Variants in ADGRB1 observed in about 807,000 individuals in gnomAD.
ADGRB1 encodes the protein adhesion G protein-coupled receptor B1.
A neutral mutation model predicts 175.7 loss-of-function variants in ADGRB1; 36 were observed. The ratio of observed to expected loss-of-function variants is 0.20; its 90% CI spans 0.16 to 0.27. The LOEUF is 0.27. Ranked by LOEUF, ADGRB1 falls within the 10% of genes least tolerant of loss-of-function variation. ADGRB1 has a pLI of 1.00. For missense variants in ADGRB1, 1,731 were observed against 2,255.3 expected, an observed-to-expected ratio of 0.77 and a Z score of 4.71; for synonymous variants, 1,054 against 979.4, an observed-to-expected ratio of 1.08 and a Z score of -1.42.
chr8:142,520,129 ATGG>A (rs1231598250), intron 19 of ADGRB1, among the ~76,000 whole-genome samples: 14 of 101,156 alleles, frequency 1.4e-4, no homozygotes, highest in Non-Finnish European at 2.0e-4. Flanking sequence ...TATGATGATG[ATGG>A]TGGTGATGGT....
chr8:142,524,380 C>T lies in ADGRB1; in HGVS notation c.3312+76C>T, dbSNP rs554146596. The T allele has an allele frequency of 3.5e-6, 5 of 1,425,790 alleles. No individual in the cohort carries two copies. The East Asian group carries it at 1.2e-4, about 35-fold the overall frequency. 88.3% of individuals were successfully genotyped at this position (1,425,790 alleles called of 1,614,324 possible). On this transcript the variant is annotated intron_variant, in intron 23 of 30. Coordinates refer to ENST00000517894, the MANE Select transcript of ADGRB1 (RefSeq NM_001702.3). ...CCTGCCTCCTGGGCCTCGGTGCTGTCTCATGCCCCAGGCTGTGCACCTGCT... is the reference window on the plus strand; with the variant it reads ...CCTGCCTCCTGGGCCTCGGTGCTGTTTCATGCCCCAGGCTGTGCACCTGCT...
At chr8:142,539,865 G>A (rs1262858395) in intron 27 of ADGRB1, 1 of 174,090 alleles carries the variant, frequency 5.7e-6, no homozygotes, top group African/African-American at 2.4e-5. Context: ...TCCCAGCAGG[G>A]GCAGAAGTGA....
At chr8:142,536,856 G>A (rs1399796364) in intron 25 of ADGRB1, 131 bp from the exon 26 acceptor site, 1 of 645,630 alleles carries the variant, frequency 1.5e-6, no homozygotes, top group East Asian at 3.2e-5. Flanking sequence ...GCCCTGTGGG[G>A]AGGCCTCCTG....
At chr8:142,462,546 C>T (rs1304565267) in intron 1 of ADGRB1, among the ~76,000 whole-genome samples, 1 of 152,228 alleles carries the variant, frequency 6.6e-6, no homozygotes, top group African/African-American at 2.4e-5. Flanking sequence ...CTGCCTGGGC[C>T]CAGCTCCCTG....
chr8:142,456,684 C>T (rs1354557922), intron 1 of ADGRB1, among the ~76,000 whole-genome samples: 7 of 152,260 alleles, frequency 4.6e-5, no homozygotes, highest in African/African-American at 1.7e-4. Flanking sequence ...CCCTCGGTCT[C>T]GCTCCTCCCA....
chr8:142,498,489 T>C (rs1158186811), intron 17 of ADGRB1, among the ~76,000 whole-genome samples: 1 of 152,122 alleles, frequency 6.6e-6, no homozygotes, highest in Admixed American at 6.5e-5. Context: ...CGTGCAAGTC[T>C]TATAGTTGGG....
chr8:142,464,535 A>G lies in ADGRB1; in HGVS notation c.337A>G (p.Thr113Ala). ...QFDSFLESTRTYLGVESFDEV... is the reference protein window; with the variant it reads ...QFDSFLESTRAYLGVESFDEV... Reference sequence around the variant, plus strand: ...CGACTCCTTCCTCGAGTCCACGCGCACCTACCTGGGCGTGGAGAGCTTCGA... The same window carrying G: ...CGACTCCTTCCTCGAGTCCACGCGCGCCTACCTGGGCGTGGAGAGCTTCGA... The change falls in exon 2 of 31, where the codon ACC (threonine) becomes GCC (alanine). Residue 113 changes from threonine (T) to alanine (A), a missense_variant. Around this residue, in one of 8 missense-constraint regions of ADGRB1, gnomAD observed 383 missense variants for 383.1 expected, o/e 1.00. Coordinates refer to ENST00000517894, the MANE Select transcript of ADGRB1 (RefSeq NM_001702.3). 1 of 1,568,334 alleles carries G rather than the reference A, an allele frequency of 6.4e-7. No individual in the cohort carries two copies. Among genetic ancestry groups the G allele is most frequent in the South Asian group, 1.2e-5 (1 of 85,372 alleles).
chr8:142,481,351 C>T lies in ADGRB1; in HGVS notation c.1926C>T (p.Ile642=), dbSNP rs375916557. ...GTGTTTCCATTGACTACAGAAACAT[C>T]CAGATGATGGTGAGGGCCAGTTCCC... ...IRCVSIDYRN[I]QMMTREHLAK... The change falls in exon 10 of 31, where the codon ATC becomes ATT. Residue 642 remains isoleucine, a synonymous_variant. Coordinates refer to ENST00000517894, the MANE Select transcript of ADGRB1 (RefSeq NM_001702.3). 2.5e-6 allele frequency: 4 copies of T among 1,613,648 alleles called. No individual in the cohort carries two copies. The African/African-American group carries it at 5.3e-5, about 22-fold the overall frequency.
At chr8:142,539,326 C>G (rs1231483486) in intron 26 of ADGRB1, 48 bp from the exon 27 acceptor site, 3 of 1,551,186 alleles carry the variant, frequency 1.9e-6, no homozygotes, top group Admixed American at 1.9e-5. Flanking sequence ...GTGCACACAC[C>G]CCCGCTCCCA....
At chr8:142,523,357 G>A (rs1216011909) in intron 22 of ADGRB1, among the ~76,000 whole-genome samples, 1 of 151,716 alleles carries the variant, frequency 6.6e-6, no homozygotes, top group Non-Finnish European at 1.5e-5. Context: ...GAGGGGAGCA[G>A]TGGGGAGCGC....
chr8:142,502,454 GGTGGT>G lies in ADGRB1; in HGVS notation c.2676-8476_2676-8472del, dbSNP rs1842655602. ...GTGGTGGTAGTGGTGGTGATGATGG[GGTGGT>G]GCAGTCATCACTGTGGTTTTGATGA... On this transcript the variant is annotated intron_variant, in intron 17 of 30. Coordinates refer to ENST00000517894, the MANE Select transcript of ADGRB1 (RefSeq NM_001702.3). Among the ~76,000 whole-genome samples, 5 of 95,170 alleles carry G rather than the reference GGTGGT, an allele frequency of 5.3e-5. 2 individuals are homozygous for G. The highest frequency in any genetic ancestry group is 1.3e-4 in the African/African-American group (3 of 22,392). The allele number at this position is 95,170 out of a possible 152,430, so 62.4% of individuals were successfully genotyped here.
intron 18 of ADGRB1, among the ~76,000 whole-genome samples, chr8:142,512,302 C>A (rs1363387824): frequency 6.6e-6 from 1 of 152,190 alleles, no homozygotes; most frequent in Non-Finnish European, 1.5e-5. Flanking sequence ...CAGACAGAGC[C>A]TGGCAGGCAG....
intron 18 of ADGRB1, among the ~76,000 whole-genome samples, chr8:142,515,392 G>A (rs1337185380): frequency 1.3e-5 from 2 of 152,216 alleles, no homozygotes; most frequent in African/African-American, 4.8e-5. Context: ...GCTGAGCAAC[G>A]GCCGTCGGGA....
chr8:142,456,235 A>G (rs1267371880), intron 1 of ADGRB1, among the ~76,000 whole-genome samples: 3 of 152,056 alleles, frequency 2.0e-5, no homozygotes, highest in Non-Finnish European at 4.4e-5. Flanking sequence ...CAGCGCGCCC[A>G]CATGCACACA....
chr8:142,451,887 C>T (rs1017830234), intron 1 of ADGRB1, among the ~76,000 whole-genome samples: 3 of 152,282 alleles, frequency 2.0e-5, no homozygotes, highest in African/African-American at 7.2e-5. Flanking sequence ...CGCTCCCTCC[C>T]GTGGGCGGCA....
chr8:142,502,166 T>A (rs1428074123), intron 17 of ADGRB1, among the ~76,000 whole-genome samples: 1 of 142,924 alleles, frequency 7.0e-6, no homozygotes, highest in Non-Finnish European at 1.5e-5. Flanking sequence ...GGGGTGGTGG[T>A]AGTAATGGTT....
chr8:142,466,414 A>T (rs1840278711), intron 2 of ADGRB1, among the ~76,000 whole-genome samples: 1 of 152,220 alleles, frequency 6.6e-6, no homozygotes, highest in African/African-American at 2.4e-5. Flanking sequence ...AGCCTCTGTG[A>T]GGCCGTGAGT....
rs549615706 is a variant in ADGRB1, at chr8:142,536,939, A to G, written c.3571-48A>G. 15 of 1,483,206 alleles carry G rather than the reference A, an allele frequency of 1.0e-5. No homozygotes were observed. The African/African-American group carries it at 1.8e-4, about 18-fold the overall frequency. 91.9% of individuals were successfully genotyped at this position (1,483,206 alleles called of 1,614,324 possible). On this transcript the variant is annotated intron_variant, in intron 25 of 30. Transcript: ENST00000517894. The stretch of plus-strand genomic sequence containing the variant: ...TGCTCATCTGATCTGGCGCTGGCGC[A>G]GGGTGGGGGCGTGGCTGCCACTGAG...
rs1563721048 is a variant in ADGRB1, at chr8:142,504,462, C to T, written c.2676-6470C>T. Among the ~76,000 whole-genome samples the T allele has an allele frequency of 6.6e-6, 1 of 152,142 alleles. No homozygotes were observed. Among genetic ancestry groups the T allele is most frequent in the Non-Finnish European group, 1.5e-5 (1 of 68,000 alleles). On this transcript the variant is annotated intron_variant, in intron 17 of 30. Transcript: ENST00000517894. The surrounding 1 kb of genome is among the most constrained non-coding windows in gnomAD (Gnocchi z 5.6). ...CAGGGCCACCAGGGCCAAGGGAGGC[C>T]CCTCTGGGATGGTCGCGGGGGGCTC...
Sources: gnomAD v4.1 joint callset for allele counts (sites outside exome capture counted in the v4.1 genomes callset) on GRCh38, gnomAD v4.1.1 for gene constraint, gnomAD v4.1.1 regional missense constraint, Gnocchi (gnomAD v3.1) non-coding constraint, MANE v1.5 for transcripts, NCBI Gene and HGNC (gene_info 2026-07-23, HGNC 2026-07-21) for gene names.